The following FAM193A variants were observed in gnomAD, a reference collection of about 807,000 sequenced individuals.
FAM193A encodes protein FAM193A.
In FAM193A, 22 loss-of-function variants were observed where a neutral mutation model predicts 126.5. The observed-to-expected ratio is 0.17, with a 90% CI of 0.12 to 0.25. FAM193A has a LOEUF of 0.25. Ranked by LOEUF, FAM193A falls within the 10% of genes least tolerant of loss-of-function variation. The pLI is 1.00. For synonymous variants in FAM193A, 761 were observed against 646.8 expected (o/e 1.18, Z -2.68); for missense variants, 1,675 against 1,672.8 (o/e 1.00, Z -0.02).
chr4:2,634,417 G>A (rs1270527295), intron 5 of FAM193A, among the ~76,000 whole-genome samples: 1 of 152,094 alleles, frequency 6.6e-6, no homozygotes, highest in Non-Finnish European at 1.5e-5. Context: ...GCAGCTCACA[G>A]TAAAAAAAGT....
intron 2 of FAM193A, among the ~76,000 whole-genome samples, chr4:2,617,092 C>T (rs1173697502): frequency 1.5e-5 from 2 of 133,830 alleles, no homozygotes; most frequent in African/African-American, 5.7e-5. Flanking sequence ...TGCTTGAACT[C>T]AGGAGGCGGA....
At chr4:2,599,323 T>C (rs774716385) in intron 2 of FAM193A, among the ~76,000 whole-genome samples, 1 of 152,112 alleles carries the variant, frequency 6.6e-6, no homozygotes, top group Non-Finnish European at 1.5e-5. Context: ...TGCTGCACTT[T>C]GTTGTGTAGT....
intron 1 of FAM193A, among the ~76,000 whole-genome samples, chr4:2,549,395 CTTTTTTTTTT>C (rs869161808): frequency 4.1e-5 from 5 of 122,648 alleles, no homozygotes; most frequent in African/African-American, 6.6e-5. Context: ...TTCTTTTTTT[CTTTTTTTTTT>C]TTTTTTTTTG....
At chr4:2,664,592 A>T in intron 12 of FAM193A, among the ~76,000 whole-genome samples, 1 of 91,474 alleles carries the variant, frequency 1.1e-5, no homozygotes, top group East Asian at 3.7e-4. Flanking sequence ...TTTGAGATGG[A>T]GTCTCCCTCT....
At chr4:2,576,137 C>T (rs1464788103) in intron 1 of FAM193A, among the ~76,000 whole-genome samples, 1 of 152,148 alleles carries the variant, frequency 6.6e-6, no homozygotes, top group Non-Finnish European at 1.5e-5. Context: ...CACATTGTCG[C>T]CCGGGCTGCA....
intron 1 of FAM193A, among the ~76,000 whole-genome samples, chr4:2,592,414 A>G (rs1172744420): frequency 6.6e-6 from 1 of 152,164 alleles, no homozygotes; most frequent in Non-Finnish European, 1.5e-5. Flanking sequence ...TAAAAATATC[A>G]ATGTAACTAG....
chr4:2,706,291 CTTTTTTT>C (rs59143784), intron 19 of FAM193A, among the ~76,000 whole-genome samples: 2 of 108,620 alleles, frequency 1.8e-5, no homozygotes, highest in Non-Finnish European at 1.8e-5. Flanking sequence ...TTCTTTCTTT[CTTTTTTT>C]TTTTTTTTTT....
chr4:2,588,698 A>G (rs1299569196), intron 1 of FAM193A, among the ~76,000 whole-genome samples: 2 of 152,086 alleles, frequency 1.3e-5, no homozygotes, highest in Non-Finnish European at 2.9e-5. Context: ...CCTCTGTTCT[A>G]TTTAAGTAGT....
At position 2,564,212 on chromosome 4, in the gene FAM193A, G is replaced by C. The variant is rs145540479; in HGVS notation, c.255+27042G>C. Reference sequence around the variant, plus strand: ...TTCTTTCATCTCAGCCTCCTGAGTAGGTGGGACCATAGGCACCTCTACCAA... The same window carrying C: ...TTCTTTCATCTCAGCCTCCTGAGTACGTGGGACCATAGGCACCTCTACCAA... On this transcript the variant is annotated intron_variant, in intron 1 of 20. Transcript: ENST00000637812. Among the ~76,000 whole-genome samples the C allele has an allele frequency of 1.4e-3, 211 of 152,136 alleles. 1 individual carries two copies. The highest frequency in any genetic ancestry group is 5.0e-3 in the African/African-American group (206 of 41,520).
intron 1 of FAM193A, among the ~76,000 whole-genome samples, chr4:2,550,893 C>T (rs192541482): frequency 0.018 from 2,714 of 151,700 alleles, 42 homozygotes; most frequent in South Asian, 0.033. Flanking sequence ...CTCTGCCTCC[C>T]GGGTTCACGC....
At chr4:2,644,905 ATAATT>A (rs1232135074) in intron 6 of FAM193A, among the ~76,000 whole-genome samples, 1 of 152,232 alleles carries the variant, frequency 6.6e-6, no homozygotes, top group African/African-American at 2.4e-5. Flanking sequence ...GGTTTTATAA[ATAATT>A]TAGTATTTCT....
chr4:2,723,795 GTTTT>G (rs58227382), intron 20 of FAM193A, among the ~76,000 whole-genome samples: 37,721 of 151,806 alleles, frequency 0.25, 5,079 homozygotes, highest in Middle Eastern at 0.38. Context: ...GGGTTTCTGG[GTTTT>G]TTGTTTGTTT....
At chr4:2,640,238 A>G (rs894073986) in intron 6 of FAM193A, among the ~76,000 whole-genome samples, 2 of 152,162 alleles carry the variant, frequency 1.3e-5, no homozygotes, top group African/African-American at 4.8e-5. Flanking sequence ...AGGGTGCCCA[A>G]GGCCCTCCGG....
At chr4:2,728,472 A>G (rs983878251) in intron 20 of FAM193A, among the ~76,000 whole-genome samples, 2 of 152,030 alleles carry the variant, frequency 1.3e-5, no homozygotes, top group African/African-American at 2.4e-5. Context: ...GCATTTGTGC[A>G]TAGACTGTCA....
intron 1 of FAM193A, among the ~76,000 whole-genome samples, chr4:2,570,644 A>G (rs946193205): frequency 1.3e-5 from 2 of 152,144 alleles, no homozygotes; most frequent in African/African-American, 4.8e-5. Flanking sequence ...GACACAGGAA[A>G]TAAGCCTTGC....
chr4:2,581,915 A>T (rs963333738), intron 1 of FAM193A, among the ~76,000 whole-genome samples: 16 of 152,100 alleles, frequency 1.1e-4, no homozygotes, highest in African/African-American at 3.9e-4. Context: ...GGCCTCCCAA[A>T]GTGCTGGGAT....
At chr4:2,680,995 A>AT (rs1425494179) in intron 13 of FAM193A, among the ~76,000 whole-genome samples, 2 of 151,878 alleles carry the variant, frequency 1.3e-5, no homozygotes, top group East Asian at 3.9e-4. Context: ...TTTTAATTTA[A>AT]TTTTCTGCTT....
chr4:2,586,075 C>T (rs1465855656), intron 1 of FAM193A, among the ~76,000 whole-genome samples: 1 of 151,958 alleles, frequency 6.6e-6, no homozygotes, highest in South Asian at 2.1e-4. Flanking sequence ...GAAACCCCAT[C>T]TCTACTAAAA....
rs780727480 is a variant in FAM193A at position 2,693,853 on chromosome 4, G to A, written c.3071G>A (p.Ser1024Asn). ...CCCCCGGCCACAGATGGCTCCATTA[G>A]CGCCCCTCCAAGTGTCTGCAGGTGA... The part of the protein sequence containing the change: ...PLPPATDGSI[S>N]APPSVCSDPD... The change falls in exon 16 of 21, where the codon AGC becomes AAC. Residue 1024 changes from serine (S) to asparagine (N), a missense_variant. By Grantham distance (46) the Ser-to-Asn change is conservative. Coordinates refer to ENST00000637812, the MANE Select transcript of FAM193A (RefSeq NM_001366318.2). 6 of 1,613,950 alleles carry A rather than the reference G, an allele frequency of 3.7e-6. No homozygotes were observed. Among genetic ancestry groups the A allele is most frequent in the African/African-American group, 2.7e-5 (2 of 74,946 alleles).
Sources: gnomAD v4.1 joint callset for allele counts (sites outside exome capture counted in the v4.1 genomes callset) on GRCh38, gnomAD v4.1.1 for gene constraint, MANE v1.5 for transcripts, NCBI Gene and HGNC (gene_info 2026-07-23, HGNC 2026-07-21) for gene names.